BEND7: variants seen among roughly 807,000 people sequenced by gnomAD.
BEND7 encodes the protein BEN domain-containing protein 7.
In BEND7, 28 loss-of-function variants were observed where a neutral mutation model predicts 50.9. The ratio of observed to expected loss-of-function variants is 0.55; its 90% CI spans 0.41 to 0.75. BEND7 has a LOEUF of 0.75. Among genes scored for constraint, BEND7 ranks in the 30% least tolerant of loss-of-function variants. The pLI, the probability that BEND7 is intolerant of heterozygous loss-of-function variation, is 0.00. For synonymous variants in BEND7, 170 were observed against 183.9 expected (o/e 0.92, Z 0.61); for missense variants, 477 against 491.3 (o/e 0.97, Z 0.28).
intron 7 of BEND7, among the ~76,000 whole-genome samples, 190 bp from the exon 8 acceptor site, chr10:13,447,506 T>C (rs955980479): frequency 6.6e-6 from 1 of 151,740 alleles, no homozygotes; most frequent in Non-Finnish European, 1.5e-5. Flanking sequence ...TTGATGATGG[T>C]GATATAAAAT....
intron 2 of BEND7, among the ~76,000 whole-genome samples, chr10:13,508,915 G>C (rs114997085): frequency 6.6e-6 from 1 of 152,224 alleles, no homozygotes; most frequent in Non-Finnish European, 1.5e-5. Context: ...CCCAGCCAGG[G>C]GACAGGAGCA....
At chr10:13,523,056 A>G (rs922576299) in intron 2 of BEND7, among the ~76,000 whole-genome samples, 1 of 152,206 alleles carries the variant, frequency 6.6e-6, no homozygotes, top group East Asian at 1.9e-4. Flanking sequence ...GCTGGATCTG[A>G]ATCCCTGAGA....
intron 8 of BEND7, chr10:13,446,617 A>G (rs1836374923): frequency 6.5e-6 from 1 of 152,844 alleles, no homozygotes; most frequent in South Asian, 2.1e-4. Flanking sequence ...GCTCTCAGAT[A>G]TGAACCCATA....
At chr10:13,451,490 C>A (rs1837695024) in intron 7 of BEND7, among the ~76,000 whole-genome samples, 1 of 152,008 alleles carries the variant, frequency 6.6e-6, no homozygotes, top group Non-Finnish European at 1.5e-5. Flanking sequence ...CCTCCTGCCT[C>A]AGCCTCCCAA....
chr10:13,523,786 C>G (rs1330511918), intron 2 of BEND7, among the ~76,000 whole-genome samples: 2 of 152,174 alleles, frequency 1.3e-5, no homozygotes, highest in East Asian at 3.8e-4. Context: ...TTCTCAATTG[C>G]TCCAGAAATC....
chr10:13,485,387 C>T (rs1379675353), intron 5 of BEND7, among the ~76,000 whole-genome samples: 2 of 152,156 alleles, frequency 1.3e-5, no homozygotes, highest in African/African-American at 4.8e-5. Flanking sequence ...TGTACAGATT[C>T]TGTGTATTAT....
chr10:13,450,020 T>C (rs1426882013), intron 7 of BEND7, among the ~76,000 whole-genome samples: 1 of 152,204 alleles, frequency 6.6e-6, no homozygotes, highest in Non-Finnish European at 1.5e-5. Flanking sequence ...TCTAACACGA[T>C]ATATTGTGAT....
intron 2 of BEND7, chr10:13,500,731 G>A (rs751343989): frequency 3.3e-5 from 33 of 985,502 alleles, no homozygotes; most frequent in Non-Finnish European, 3.9e-5. Context: ...TGGCAGCATG[G>A]CAAGCGAGGG....
chr10:13,464,286 A>G (rs1047472677), intron 6 of BEND7, among the ~76,000 whole-genome samples: 26 of 152,252 alleles, frequency 1.7e-4, no homozygotes, highest in Non-Finnish European at 2.2e-4. Flanking sequence ...GCCTGGAGGA[A>G]GAAAAGGCTT....
chr10:13,450,453 T>C (rs1425714364), intron 7 of BEND7, among the ~76,000 whole-genome samples: 4 of 152,196 alleles, frequency 2.6e-5, no homozygotes, highest in East Asian at 1.9e-4. Flanking sequence ...TTCAATTTGC[T>C]GGGGCCCCAC....
At chr10:13,468,206 C>T (rs956085158) in intron 6 of BEND7, among the ~76,000 whole-genome samples, 4 of 152,104 alleles carry the variant, frequency 2.6e-5, no homozygotes, top group African/African-American at 9.7e-5. Flanking sequence ...AGTCTAAAGG[C>T]AGTAAGTGGT....
intron 6 of BEND7, among the ~76,000 whole-genome samples, chr10:13,460,466 T>C (rs1391735507): frequency 1.3e-5 from 2 of 152,244 alleles, no homozygotes; most frequent in Non-Finnish European, 2.9e-5. Flanking sequence ...GGTCTCACTA[T>C]GTTGCCCAGG....
chr10:13,492,481 G>T, intron 5 of BEND7, 130 bp downstream of exon 5: 1 of 1,188,256 alleles, frequency 8.4e-7, no homozygotes, highest in Non-Finnish European at 1.2e-6. Context: ...ATTATTACCA[G>T]TCTTCTTTTC....
downstream of BEND7, chr10:13,441,010 C>T (rs975416370): frequency 2.7e-6 from 2 of 748,880 alleles, no homozygotes; most frequent in African/African-American, 3.8e-5. Flanking sequence ...ATTAATGATA[C>T]CTTTTAATTA....
At chr10:13,447,131 G>A (rs1836518517) in intron 8 of BEND7, 135 bp downstream of exon 8, 2 of 847,458 alleles carry the variant, frequency 2.4e-6, no homozygotes. Flanking sequence ...AAGCTCCAAT[G>A]ACGGGGCCTG....
At chr10:13,449,091 A>T (rs573444294) in intron 7 of BEND7, among the ~76,000 whole-genome samples, 1 of 152,158 alleles carries the variant, frequency 6.6e-6, no homozygotes, top group Non-Finnish European at 1.5e-5. Flanking sequence ...AAAATATGGC[A>T]CATACTGAAA....
At chr10:13,489,932 T>C (rs1394260916) in intron 5 of BEND7, among the ~76,000 whole-genome samples, 1 of 152,266 alleles carries the variant, frequency 6.6e-6, no homozygotes, top group Non-Finnish European at 1.5e-5. Context: ...TGAGTACCTT[T>C]TATGTGCCAG....
At chr10:13,496,269 T>TC (rs1292996985) in intron 4 of BEND7, among the ~76,000 whole-genome samples, 22 of 152,314 alleles carry the variant, frequency 1.4e-4, no homozygotes, top group Admixed American at 1.3e-3. Flanking sequence ...TGCTCTTCCG[T>TC]CCCTCAACTT....
In BEND7 at chr10:13,441,621, G is replaced by A. The variant is rs1185503229; in HGVS notation, c.*122C>T. 13 of 1,563,286 alleles carry A rather than the reference G, an allele frequency of 8.3e-6. No homozygotes were observed. The highest frequency in any genetic ancestry group is 2.3e-5 in the East Asian group (1 of 43,980). ...CAACATACTCATCCTATTTTAACAC[G>A]GCGAAAGGTCACCAATTAATCTTCT... On this transcript the variant is annotated 3_prime_UTR_variant, in exon 9 of 9. Coordinates refer to ENST00000466271, the MANE Select transcript of BEND7 (RefSeq NM_001369863.1).
Sources: gnomAD v4.1 joint callset for allele counts (sites outside exome capture counted in the v4.1 genomes callset) on GRCh38, gnomAD v4.1.1 for gene constraint, MANE v1.5 for transcripts, NCBI Gene and HGNC (gene_info 2026-07-23, HGNC 2026-07-21) for gene names.